Variants in TACC1 observed in about 807,000 individuals in gnomAD.
The protein encoded by TACC1 is transforming acidic coiled-coil-containing protein 1.
Under a neutral mutation model 84.4 loss-of-function variants are expected in TACC1, and 48 were observed. The ratio of observed to expected loss-of-function variants is 0.57; its 90% CI spans 0.45 to 0.72. The LOEUF is 0.72. Ranked by LOEUF, TACC1 falls within the 30% of genes least tolerant of loss-of-function variation. The probability of loss-of-function intolerance (pLI) is 0.00; values close to 1 mark genes in which losing one functional copy is unlikely to be tolerated. For missense variants in TACC1, 920 were observed against 973.0 expected, an observed-to-expected ratio of 0.95 and a Z score of 0.72; for synonymous variants, 372 against 376.3, an observed-to-expected ratio of 0.99 and a Z score of 0.13.
chr8:38,776,728 G>T (rs951327771), intron 3 of TACC1, among the ~76,000 whole-genome samples: 2 of 152,214 alleles, frequency 1.3e-5, no homozygotes, highest in African/African-American at 4.8e-5. Context: ...TAGATTGTTG[G>T]ATTAGGGATG....
At position 38,820,144 on chromosome 8, in the gene TACC1, T is replaced by C. The variant is rs1210768850; in HGVS notation, c.900T>C (p.Ser300=). Residue 300 remains serine, a synonymous_variant, in exon 3 of 13, where the codon AGT becomes AGC. Coordinates refer to ENST00000317827, the MANE Select transcript of TACC1 (RefSeq NM_006283.3). The part of the protein sequence containing the change: ...DLKETPGTLS[S]DTNDSGVELG... ...AAGAAACTCCCGGCACTCTCAGTAGTGACACCAACGACTCAGGGGTTGAGC... is the reference window on the plus strand; with the variant it reads ...AAGAAACTCCCGGCACTCTCAGTAGCGACACCAACGACTCAGGGGTTGAGC... The C allele has an allele frequency of 1.2e-6, 2 of 1,614,006 alleles. No homozygotes were observed. Among genetic ancestry groups the C allele is most frequent in the Admixed American group, 1.7e-5 (1 of 59,988 alleles).
In TACC1 at chr8:38,850,425, T is replaced by C. The variant is rs1229796302; in HGVS notation, c.*2402T>C. 1 of 152,152 alleles carries C rather than the reference T, an allele frequency of 6.6e-6. No individual in the cohort carries two copies. The highest frequency in any genetic ancestry group is 1.5e-5 in the Non-Finnish European group (1 of 68,030). 9.4% of individuals were successfully genotyped at this position (152,152 alleles called of 1,614,324 possible). On this transcript the variant is annotated 3_prime_UTR_variant, in exon 13 of 13. Transcript: ENST00000317827. ...TTTGGAACTCTGGAGAGTAAGAATA[T>C]AGTATAGAGTTTGCCTCAACACATG... is the stretch of plus-strand genomic sequence containing the variant.
exon 3 of TACC1, chr8:38,745,297 T>C (rs1807854338): frequency 7.7e-6 from 4 of 522,314 alleles, no homozygotes; most frequent in African/African-American, 1.9e-5. Context: ...GAAAATTACC[T>C]GCAAAACAAA....
At chr8:38,818,103 C>T (rs1825848699) in intron 2 of TACC1, among the ~76,000 whole-genome samples, 1 of 151,488 alleles carries the variant, frequency 6.6e-6, no homozygotes. Context: ...AGCTTAGTGG[C>T]TCATGACTGT....
chr8:38,732,300 G>A (rs1312938344), intron 1 of TACC1, among the ~76,000 whole-genome samples: 1 of 151,374 alleles, frequency 6.6e-6, no homozygotes, highest in Non-Finnish European at 1.5e-5. Flanking sequence ...GCAAAAATAT[G>A]TTTTTTTCTT....
intron 2 of TACC1, among the ~76,000 whole-genome samples, chr8:38,815,504 C>T (rs1689068769): frequency 6.6e-6 from 1 of 152,170 alleles, no homozygotes; most frequent in Non-Finnish European, 1.5e-5. Context: ...ACTGCAACCT[C>T]TGCCTCCCAG....
intron 2 of TACC1, among the ~76,000 whole-genome samples, chr8:38,818,417 C>T (rs1161944034): frequency 1.3e-5 from 2 of 152,174 alleles, no homozygotes; most frequent in Non-Finnish European, 2.9e-5. Context: ...GTTAGGAAAT[C>T]ACTTTTTGCT....
At chr8:38,731,995 T>G (rs1052332764) in intron 1 of TACC1, among the ~76,000 whole-genome samples, 8 of 152,084 alleles carry the variant, frequency 5.3e-5, no homozygotes, top group Non-Finnish European at 1.0e-4. Flanking sequence ...GCCTGTAATC[T>G]CAGCTACTCC....
chr8:38,836,476 G>T (rs1830259878), intron 7 of TACC1, among the ~76,000 whole-genome samples, 189 bp downstream of exon 7: 1 of 152,164 alleles, frequency 6.6e-6, no homozygotes, highest in Admixed American at 6.5e-5. Context: ...CTGGTCTCCA[G>T]GGTAAAATGT....
At chr8:38,744,198 G>T (rs1389016620) in intron 2 of TACC1, 1 of 152,156 alleles carries the variant, frequency 6.6e-6, no homozygotes, top group African/African-American at 2.4e-5. Context: ...GAAAAGAAAA[G>T]ACCAATAAAG....
chr8:38,802,474 C>T (rs761913527), intron 2 of TACC1, among the ~76,000 whole-genome samples: 1 of 152,182 alleles, frequency 6.6e-6, no homozygotes, highest in Admixed American at 6.5e-5. Context: ...ATGATCTGAG[C>T]TGGAACAGTT....
At chr8:38,730,189 C>A (rs927772433) in intron 1 of TACC1, among the ~76,000 whole-genome samples, 1 of 152,224 alleles carries the variant, frequency 6.6e-6, no homozygotes, top group Non-Finnish European at 1.5e-5. Flanking sequence ...GCTCTTACTC[C>A]GTCCTCCCAT....
chr8:38,809,326 G>A (rs1163915961), intron 2 of TACC1, among the ~76,000 whole-genome samples: 1 of 150,064 alleles, frequency 6.7e-6, no homozygotes, highest in East Asian at 2.0e-4. Flanking sequence ...GATGTGCCAC[G>A]GCTGTTGACC....
At chr8:38,806,506 G>T (rs139825844) in intron 2 of TACC1, among the ~76,000 whole-genome samples, 167 of 152,110 alleles carry the variant, frequency 1.1e-3, no homozygotes, top group Admixed American at 2.6e-3. Flanking sequence ...GAGGGAGAGA[G>T]AGAGAAAATA....
In TACC1 at chr8:38,790,744, T is replaced by C. The variant is rs146361816; in HGVS notation, c.277+1925T>C. Reference sequence around the variant, plus strand: ...AAAATGACATCAGCAAAAAGCTGATTTGGTTTTGCTTTAAATTGATAGCTC... The same window carrying C: ...AAAATGACATCAGCAAAAAGCTGATCTGGTTTTGCTTTAAATTGATAGCTC... On this transcript the variant is annotated intron_variant, in intron 2 of 12. Coordinates refer to ENST00000317827, the MANE Select transcript of TACC1 (RefSeq NM_006283.3). Among the ~76,000 whole-genome samples, 1,051 of 152,342 alleles carry C rather than the reference T, an allele frequency of 6.9e-3. 9 individuals are homozygous for C. The highest frequency in any genetic ancestry group is 1.0e-2 in the Non-Finnish European group (677 of 68,026).
intron 5 of TACC1, among the ~76,000 whole-genome samples, chr8:38,829,805 C>A (rs1828854387): frequency 6.6e-6 from 1 of 152,162 alleles, no homozygotes; most frequent in African/African-American, 2.4e-5. Flanking sequence ...CAAGTGGTTA[C>A]ATTGTAACTG....
intron 2 of TACC1, chr8:38,742,473 G>C: frequency 6.6e-7 from 1 of 1,509,314 alleles, no homozygotes; most frequent in Non-Finnish European, 8.9e-7. Flanking sequence ...CTTTGACATT[G>C]AATATACCTG....
chr8:38,737,065 A>G (rs1008626482), intron 1 of TACC1, among the ~76,000 whole-genome samples: 2 of 152,228 alleles, frequency 1.3e-5, no homozygotes, highest in Non-Finnish European at 2.9e-5. Flanking sequence ...GGGAGGCCCT[A>G]AGAAATGACC....
At chr8:38,779,690 G>T (rs1426936128) in intron 3 of TACC1, among the ~76,000 whole-genome samples, 3 of 152,234 alleles carry the variant, frequency 2.0e-5, no homozygotes, top group Non-Finnish European at 4.4e-5. Flanking sequence ...GGGAGAGACT[G>T]ATGCAAATAT....
Sources: gnomAD v4.1 joint callset for allele counts (sites outside exome capture counted in the v4.1 genomes callset) on GRCh38, gnomAD v4.1.1 for gene constraint, MANE v1.5 for transcripts, NCBI Gene and HGNC (gene_info 2026-07-23, HGNC 2026-07-21) for gene names.